Variants in MYO1E observed in about 807,000 individuals in gnomAD.
MYO1E encodes myosin IE, also known as unconventional myosin-Ie.
MYO1E carries 68 observed loss-of-function variants against 151.1 expected under a neutral mutation model. That is an observed-to-expected ratio of 0.45 (90% CI 0.37 to 0.55). The LOEUF is 0.55. Ranked by LOEUF, MYO1E falls within the 20% of genes least tolerant of loss-of-function variation. The pLI is 0.00. For missense variants in MYO1E, 1,363 were observed against 1,389.3 expected (o/e 0.98, Z 0.30); for synonymous variants, 601 against 501.7 (o/e 1.20, Z -2.64).
At chr15:59,360,070 C>T (rs2080876886) in intron 1 of MYO1E, among the ~76,000 whole-genome samples, 1 of 152,156 alleles carries the variant, frequency 6.6e-6, no homozygotes, top group Non-Finnish European at 1.5e-5. Flanking sequence ...CAAGATTGGT[C>T]ATGAGTTGTC....
chr15:59,162,645 CAAGAAAAAAAA>C lies in MYO1E; in HGVS notation c.2627+501_2627+511del, dbSNP rs1363201729. On this transcript the variant is annotated intron_variant, in intron 23 of 27. Coordinates refer to ENST00000288235, the MANE Select transcript of MYO1E (RefSeq NM_004998.4). ...TGGGCAACAGAACGAGACGCCATCT[CAAGAAAAAAAA>C]AAGAAAAAAAAAAAAAAAGAAAGAA... Among the ~76,000 whole-genome samples, 4 of 97,572 alleles carry C rather than the reference CAAGAAAAAAAA, an allele frequency of 4.1e-5. No individual in the cohort carries two copies. The South Asian group carries it at 1.1e-3, about 26-fold the overall frequency. 64.0% of individuals were successfully genotyped at this position (97,572 alleles called of 152,430 possible).
rs1223828816 is a variant in MYO1E, at chr15:59,350,966, G to A, written c.3+21532C>T. Among the ~76,000 whole-genome samples the A allele has an allele frequency of 3.3e-5, 5 of 152,192 alleles. No individual in the cohort carries two copies. Among genetic ancestry groups the A allele is most frequent in the African/African-American group, 9.7e-5 (4 of 41,448 alleles). On this transcript the variant is annotated intron_variant, in intron 1 of 27. Coordinates refer to ENST00000288235, the MANE Select transcript of MYO1E (RefSeq NM_004998.4). The surrounding 1 kb of genome is among the most constrained non-coding windows in gnomAD (Gnocchi z 5.0). ...GGCTGGCGTGCAGTGGCGCGATCTC[G>A]GCTCAATGCAAGCTCCGCCTCCCAG...
At chr15:59,245,582 T>A (rs1468345292) in intron 4 of MYO1E, among the ~76,000 whole-genome samples, 1 of 152,212 alleles carries the variant, frequency 6.6e-6, no homozygotes, top group African/African-American at 2.4e-5. Flanking sequence ...GGACAGATGG[T>A]CTACTCACCA....
At chr15:59,310,152 G>A (rs2140409872) in intron 1 of MYO1E, among the ~76,000 whole-genome samples, 1 of 152,072 alleles carries the variant, frequency 6.6e-6, no homozygotes, top group East Asian at 1.9e-4. Flanking sequence ...CTTACTCTAG[G>A]TCCAGGCAGC....
At chr15:59,202,548 G>A in intron 15 of MYO1E, 141 bp from the exon 16 acceptor site, 1 of 738,788 alleles carries the variant, frequency 1.4e-6, no homozygotes, top group South Asian at 1.5e-5. Context: ...TCACAGCGCG[G>A]GCCATCAAGA....
chr15:59,344,190 T>G (rs1217753819), intron 1 of MYO1E, among the ~76,000 whole-genome samples: 1 of 152,260 alleles, frequency 6.6e-6, no homozygotes, highest in Non-Finnish European at 1.5e-5. Context: ...TTGGTTGTTA[T>G]GATCTAAGTT....
At chr15:59,227,034 G>A (rs953605511) in intron 7 of MYO1E, among the ~76,000 whole-genome samples, 11 of 152,232 alleles carry the variant, frequency 7.2e-5, no homozygotes, top group African/African-American at 2.2e-4. Context: ...GGCTGAGGCC[G>A]GGCTCCCTGA....
At chr15:59,145,711 A>G (rs1183627946) in intron 26 of MYO1E, among the ~76,000 whole-genome samples, 3 of 152,166 alleles carry the variant, frequency 2.0e-5, no homozygotes, top group African/African-American at 7.2e-5. Flanking sequence ...TCCTCTATCT[A>G]TGCATTTGAA....
chr15:59,147,596 C>CA lies in MYO1E; in HGVS notation c.3080+5993dup, dbSNP rs748173480. 9.6e-3 allele frequency among the ~76,000 whole-genome samples: 635 copies of CA among 66,040 alleles called. 23 individuals carry two copies. The highest frequency in any genetic ancestry group is 0.065 in the East Asian group (141 of 2,184). The allele number at this position is 66,040 out of a possible 152,430, so 43.3% of individuals were successfully genotyped here. A position where few individuals can be genotyped will look rare whatever the true frequency, so the allele number is the denominator to read the frequency against. On this transcript the variant is annotated intron_variant, in intron 26 of 27. Transcript: ENST00000288235. The stretch of plus-strand genomic sequence containing the variant: ...TGGGTGACAGAGTGAGACTCTGTCT[C>CA]AAAAAAAAAAAAAAAAAAACAATAC...
At chr15:59,248,894 C>A (rs1025353655) in intron 4 of MYO1E, among the ~76,000 whole-genome samples, 2 of 152,196 alleles carry the variant, frequency 1.3e-5, no homozygotes, top group South Asian at 4.1e-4. Context: ...TAGCTCCCTT[C>A]GTGGACTGTG....
chr15:59,163,253 A>G lies in MYO1E; in HGVS notation c.2531T>C (p.Leu844Ser), dbSNP rs371215009. The change falls in exon 23 of 28, where the codon TTG (leucine) becomes TCG (serine). Residue 844 changes from leucine (L) to serine (S), a missense_variant. By Grantham distance (145) the Leu-to-Ser change is moderately radical (BLOSUM62 -2). Coordinates refer to ENST00000288235, the MANE Select transcript of MYO1E (RefSeq NM_004998.4). ...FILHEQEYDSLLESVFKTEFL... is the reference protein window; with the variant it reads ...FILHEQEYDSSLESVFKTEFL... ...TTCAGTTTTGAAGACAGATTCAAGC[A>G]AACTGTCATACTCTTGCTCATGGAG... is the stretch of plus-strand genomic sequence containing the variant. 3.1e-6 allele frequency: 5 copies of G among 1,613,872 alleles called. No homozygotes were observed. Among genetic ancestry groups the G allele is most frequent in the Non-Finnish European group, 4.2e-6 (5 of 1,179,826 alleles).
chr15:59,255,458 G>C (rs761628775), intron 4 of MYO1E, among the ~76,000 whole-genome samples: 4 of 151,684 alleles, frequency 2.6e-5, no homozygotes, highest in South Asian at 2.1e-4. Context: ...ACAGTGGCAC[G>C]ATCTCAGCTC....
At chr15:59,258,453 G>A (rs1355868061) in intron 3 of MYO1E, among the ~76,000 whole-genome samples, 1 of 152,262 alleles carries the variant, frequency 6.6e-6, no homozygotes, top group African/African-American at 2.4e-5. Context: ...TTTGAACACA[G>A]TTTGAATAGT....
At chr15:59,325,307 T>G (rs963764686) in intron 1 of MYO1E, among the ~76,000 whole-genome samples, 4 of 152,202 alleles carry the variant, frequency 2.6e-5, no homozygotes, top group Non-Finnish European at 4.4e-5. Context: ...AGTGCTGTGA[T>G]TACAGGTGTG....
In MYO1E at chr15:59,161,385, C is replaced by G. The variant is rs560815348; in HGVS notation, c.2628-155G>C. On this transcript the variant is annotated intron_variant, in intron 23 of 27. Coordinates refer to ENST00000288235, the MANE Select transcript of MYO1E (RefSeq NM_004998.4). ...AGCAGGGCCCTGAGGATGCGCACCG[C>G]ATCCATGGGGTGGCACTGTCGCTGC... is the stretch of plus-strand genomic sequence containing the variant. Among the ~76,000 whole-genome samples, 323 of 152,298 alleles carry G rather than the reference C, an allele frequency of 2.1e-3. 1 individual carries two copies. The highest frequency in any genetic ancestry group is 7.6e-3 in the African/African-American group (318 of 41,572).
At chr15:59,234,212 T>TGATGGATGGATG (rs534252194) in intron 5 of MYO1E, among the ~76,000 whole-genome samples, 1 of 149,046 alleles carries the variant, frequency 6.7e-6, no homozygotes, top group Non-Finnish European at 1.5e-5. Flanking sequence ...CACTGATCAC[T>TGATGGATGGATG]GATGGATGGA....
intron 4 of MYO1E, among the ~76,000 whole-genome samples, chr15:59,253,206 A>G (rs1018256892): frequency 1.3e-5 from 2 of 152,262 alleles, no homozygotes; most frequent in Non-Finnish European, 2.9e-5. Flanking sequence ...TTTTGAAAAT[A>G]GGTGAGTAAT....
In MYO1E at chr15:59,256,288, TA is replaced by T; in HGVS notation, c.327del (p.Ile110SerfsTer17). The stretch of plus-strand genomic sequence containing the variant: ...TGATAAGGATCTTCTTCATACCTGA[TA>T]ATGACGCACTGGTTCTCTCTGTCAA... ...MIIDRENQCV[I>X]ISGESGAGKT... is the part of the protein sequence containing the mutation. On this transcript the variant is annotated frameshift_variant, in exon 4 of 28. Coordinates refer to ENST00000288235, the MANE Select transcript of MYO1E (RefSeq NM_004998.4). LOFTEE classifies it high-confidence loss of function. 1.3e-6 allele frequency: 2 copies of T among 1,593,782 alleles called. No individual in the cohort carries two copies. The highest frequency in any genetic ancestry group is 1.7e-6 in the Non-Finnish European group (2 of 1,161,698).
intron 1 of MYO1E, among the ~76,000 whole-genome samples, chr15:59,278,291 C>G (rs2080333429): frequency 6.6e-6 from 1 of 152,196 alleles, no homozygotes; most frequent in African/African-American, 2.4e-5. Flanking sequence ...CCCTGAGAAG[C>G]AGATAAACCA....
Sources: gnomAD v4.1 joint callset for allele counts (sites outside exome capture counted in the v4.1 genomes callset) on GRCh38, gnomAD v4.1.1 for gene constraint, Gnocchi (gnomAD v3.1) non-coding constraint, MANE v1.5 for transcripts, NCBI Gene and HGNC (gene_info 2026-07-23, HGNC 2026-07-21) for gene names.